Variants in MYRIP observed in about 807,000 individuals in gnomAD.
MYRIP encodes the protein rab effector MyRIP.
In MYRIP, 49 loss-of-function variants were observed where a neutral mutation model predicts 98.0. The ratio of observed to expected loss-of-function variants is 0.50; its 90% CI spans 0.40 to 0.63. The LOEUF (loss-of-function observed/expected upper bound fraction) is 0.63, where lower values mean the gene tolerates loss of function less well. MYRIP is among the 30% of genes least tolerant of loss of function. The probability of loss-of-function intolerance (pLI) is 0.00; values close to 1 mark genes in which losing one functional copy is unlikely to be tolerated. For missense variants in MYRIP, 1,004 were observed against 1,058.2 expected (o/e 0.95, Z 0.71); for synonymous variants, 404 against 409.5 (o/e 0.99, Z 0.16).
chr3:40,203,743 A>T (rs1367464220), intron 10 of MYRIP, among the ~76,000 whole-genome samples: 1 of 61,994 alleles, frequency 1.6e-5, no homozygotes, highest in Non-Finnish European at 3.0e-5. Context: ...TTTATATTTT[A>T]TATATATTTA....
At chr3:40,132,804 G>A (rs1466744548) in intron 3 of MYRIP, among the ~76,000 whole-genome samples, 2 of 152,262 alleles carry the variant, frequency 1.3e-5, no homozygotes, top group African/African-American at 4.8e-5. Flanking sequence ...AAGAAGATGG[G>A]CATGGCATCC....
intron 4 of MYRIP, among the ~76,000 whole-genome samples, chr3:40,156,160 A>G (rs4527318): frequency 0.63 from 92,888 of 146,988 alleles, 31,568 homozygotes; most frequent in Non-Finnish European, 0.77. Flanking sequence ...ATCTTGAATT[A>G]ATTTTTGTAT....
At chr3:39,992,684 GAC>G (rs377316127) in intron 2 of MYRIP, among the ~76,000 whole-genome samples, 3 of 152,308 alleles carry the variant, frequency 2.0e-5, no homozygotes, top group African/African-American at 7.2e-5. Flanking sequence ...CCACTTTGGT[GAC>G]ACAGCATCCC....
At chr3:39,900,734 T>C in intron 1 of MYRIP, 53 bp from the exon 2 acceptor site, 2 of 946,664 alleles carry the variant, frequency 2.1e-6, no homozygotes, top group Non-Finnish European at 3.3e-6. Context: ...CAAAATAGGT[T>C]GATTTTGTCC....
chr3:39,970,143 T>A (rs1183195058), intron 2 of MYRIP: 2 of 152,100 alleles, frequency 1.3e-5, no homozygotes, highest in East Asian at 3.9e-4. Context: ...ACAGTGGCAA[T>A]TGTTGTAGCC....
chr3:39,841,702 A>C (rs754426952), intron 1 of MYRIP, among the ~76,000 whole-genome samples: 5 of 152,008 alleles, frequency 3.3e-5, no homozygotes, highest in African/African-American at 4.8e-5. Flanking sequence ...TTTCCTTCTA[A>C]TAGGCAGGTC....
chr3:40,032,072 T>A (rs1947274237), intron 2 of MYRIP, among the ~76,000 whole-genome samples: 1 of 152,158 alleles, frequency 6.6e-6, no homozygotes, highest in Non-Finnish European at 1.5e-5. Context: ...TTCTTTTAAT[T>A]GTGATGTTAG....
At position 40,189,764 on chromosome 3, in the gene MYRIP, CT is replaced by C. The variant is rs939019997; in HGVS notation, c.1028-60del. 3.3e-5 allele frequency: 50 copies of C among 1,500,954 alleles called. No homozygotes were observed. The African/African-American group carries it at 6.3e-4, about 19-fold the overall frequency. The allele number at this position is 1,500,954 out of a possible 1,614,324, so 93.0% of individuals were successfully genotyped here. A position where few individuals can be genotyped will look rare whatever the true frequency, so the allele number is the denominator to read the frequency against. ...CTCTTGGGGAGGTAACAAGTGGCAA[CT>C]TCATCTTGCATTAAAGTGATAACAG... On this transcript the variant is annotated intron_variant, in intron 9 of 16. Transcript: ENST00000302541.
intron 3 of MYRIP, among the ~76,000 whole-genome samples, chr3:40,093,998 C>A (rs915711745): frequency 6.6e-6 from 1 of 152,150 alleles, no homozygotes; most frequent in Non-Finnish European, 1.5e-5. Flanking sequence ...TTACCTCCTA[C>A]CACAAGGCCT....
chr3:39,940,353 G>A (rs1369423482), intron 2 of MYRIP, among the ~76,000 whole-genome samples: 1 of 152,044 alleles, frequency 6.6e-6, no homozygotes, highest in Non-Finnish European at 1.5e-5. Flanking sequence ...TAAAGATACT[G>A]GAAAGGAAAA....
chr3:39,886,889 G>T (rs199870352), intron 1 of MYRIP, among the ~76,000 whole-genome samples: 2,464 of 151,378 alleles, frequency 0.016, 34 homozygotes, highest in East Asian at 0.085. Flanking sequence ...AATATACATT[G>T]TTTTCAGCAC....
intron 1 of MYRIP, among the ~76,000 whole-genome samples, chr3:39,861,933 T>G (rs1942484574): frequency 1.3e-5 from 2 of 152,126 alleles, no homozygotes; most frequent in African/African-American, 4.8e-5. Context: ...ACATCATCCA[T>G]GAAAAGTTCC....
At chr3:40,209,825 C>A in intron 10 of MYRIP, 29 bp from the exon 11 acceptor site, 1 of 1,613,012 alleles carries the variant, frequency 6.2e-7, no homozygotes, top group Admixed American at 1.7e-5. Context: ...CAGAGGGCTC[C>A]TCATCTCATG....
chr3:39,920,178 G>A (rs1344118942), intron 2 of MYRIP, among the ~76,000 whole-genome samples: 1 of 152,162 alleles, frequency 6.6e-6, no homozygotes, highest in Non-Finnish European at 1.5e-5. Context: ...ATAAGAACCT[G>A]AGATAAGAAC....
At chr3:39,980,301 T>C (rs1185174332) in intron 2 of MYRIP, among the ~76,000 whole-genome samples, 3 of 152,176 alleles carry the variant, frequency 2.0e-5, no homozygotes, top group Non-Finnish European at 4.4e-5. Flanking sequence ...GGCTGGCCTT[T>C]CATAGTTGTT....
At chr3:39,875,047 A>G (rs545106536) in intron 1 of MYRIP, among the ~76,000 whole-genome samples, 5 of 152,278 alleles carry the variant, frequency 3.3e-5, no homozygotes, top group African/African-American at 9.6e-5. Flanking sequence ...CAGAGATTCA[A>G]CTTCTTCCTG....
intron 3 of MYRIP, among the ~76,000 whole-genome samples, chr3:40,087,035 C>T (rs1328215821): frequency 6.6e-6 from 1 of 152,070 alleles, no homozygotes; most frequent in Non-Finnish European, 1.5e-5. Context: ...GTTAGCTCCT[C>T]TCATGCCACT....
chr3:39,982,670 C>A (rs1372859693), intron 2 of MYRIP, among the ~76,000 whole-genome samples: 1 of 152,028 alleles, frequency 6.6e-6, no homozygotes, highest in Non-Finnish European at 1.5e-5. Context: ...TATTATTATT[C>A]CTTAAAAACA....
chr3:40,016,777 T>A (rs774559049), intron 2 of MYRIP, among the ~76,000 whole-genome samples: 6 of 152,244 alleles, frequency 3.9e-5, no homozygotes, highest in Non-Finnish European at 8.8e-5. Context: ...CAGTGTCTTA[T>A]TAACGTACAC....
Sources: gnomAD v4.1 joint callset for allele counts (sites outside exome capture counted in the v4.1 genomes callset) on GRCh38, gnomAD v4.1.1 for gene constraint, MANE v1.5 for transcripts, NCBI Gene and HGNC (gene_info 2026-07-23, HGNC 2026-07-21) for gene names.